Variants in ERCC1 observed in about 807,000 individuals in gnomAD.
ERCC1 encodes the protein DNA excision repair protein ERCC-1.
A neutral mutation model predicts 37.6 loss-of-function variants in ERCC1; 36 were observed. That is an observed-to-expected ratio of 0.96 (90% CI 0.73 to 1.26). ERCC1 has a LOEUF of 1.26. Ranked by LOEUF, ERCC1 falls within the 50% of genes most tolerant of loss-of-function variation. The pLI is 0.00. For synonymous variants in ERCC1, 156 were observed against 162.1 expected, an observed-to-expected ratio of 0.96 and a Z score of 0.28; for missense variants, 349 against 376.5, an observed-to-expected ratio of 0.93 and a Z score of 0.60.
In ERCC1 at chr19:45,423,327, C is replaced by T. The variant is rs1157496469; in HGVS notation, c.48G>A (p.Pro16=). ...GTATCACAAATTTCTTCCTTGCTGG[C>T]GGCCCTGAGGGCTGGGGCACCCCCT... is the stretch of plus-strand genomic sequence containing the variant. The part of the protein sequence containing the change: ...DKEGVPQPSG[P]PARKKFVIPL... Residue 16 remains proline (P), a synonymous_variant, in exon 2 of 10, where the codon CCG becomes CCA. Coordinates refer to ENST00000300853, the MANE Select transcript of ERCC1 (RefSeq NM_001983.4). 1 of 1,613,780 alleles carries T rather than the reference C, an allele frequency of 6.2e-7. No individual in the cohort carries two copies. Among genetic ancestry groups the T allele is most frequent in the African/African-American group, 1.3e-5 (1 of 75,000 alleles).
Position 45,423,658 on chromosome 19 carries a change from C to A in ERCC1, c.-8+123G>T, listed in dbSNP as rs2298881. The A allele has an allele frequency of 0.12, 151,488 of 1,274,624 alleles. 11,398 individuals carry two copies. The highest frequency in any genetic ancestry group is 0.42 in the East Asian group (12,543 of 30,032). 79.0% of individuals were successfully genotyped at this position (1,274,624 alleles called of 1,614,324 possible). ...TCCCCACCATCCCCCGCCTTCCGTT[C>A]GTCCGGCCCCCGAGGCTAGCATCTG... On this transcript the variant is annotated intron_variant, in intron 1 of 9. Coordinates refer to ENST00000300853, the MANE Select transcript of ERCC1 (RefSeq NM_001983.4).
At chr19:45,443,047 G>A (rs564075827) in intron 1 of ERCC1, among the ~76,000 whole-genome samples, 1 of 152,190 alleles carries the variant, frequency 6.6e-6, no homozygotes, top group Non-Finnish European at 1.5e-5. Context: ...GAAGTGACAG[G>A]CCATCGGGGG....
At chr19:45,428,289 T>TGG (rs139177503), upstream of ERCC1, among the ~76,000 whole-genome samples, 9,397 of 61,416 alleles carry the variant, frequency 0.15, 1,331 homozygotes, top group African/African-American at 0.41. Flanking sequence ...GGTGGGGGGG[T>TGG]GGGGTCTCAC....
rs1371326961 is a variant in ERCC1, at chr19:45,409,397, C to G, written c.*278G>C. 6.2e-7 allele frequency: 1 copy of G among 1,613,862 alleles called. No individual in the cohort carries two copies. The highest frequency in any genetic ancestry group is 1.3e-5 in the African/African-American group (1 of 74,902). ...GGAAAGCCGGATGCCAGAGACAGTG[C>G]CCCAAGAGGAGATGCCAGGGCCGCC... On this transcript the variant is annotated 3_prime_UTR_variant, in exon 10 of 10. Transcript: ENST00000300853.
Position 45,420,536 on chromosome 19 carries a change from ACCT to A in ERCC1, c.322-112_322-110del, listed in dbSNP as rs1288162877. On this transcript the variant is annotated intron_variant, in intron 3 of 9. Transcript: ENST00000300853. This position sits in a 1 kb window ranked among gnomAD's most constrained non-coding sequence, Gnocchi z 4.8. ...CCTCCCTCCTCCCACCTCTTCCCAC[ACCT>A]CCTGCCTCCTCGCACCTCTTCCCAC... The A allele has an allele frequency of 4.1e-6, 3 of 726,242 alleles. No homozygotes were observed. Among genetic ancestry groups the A allele is most frequent in the Admixed American group, 2.0e-5 (1 of 49,568 alleles). The allele number at this position is 726,242 out of a possible 1,614,324, so 45.0% of individuals were successfully genotyped here.
intron 1 of ERCC1, among the ~76,000 whole-genome samples, chr19:45,433,462 G>C (rs556055733): frequency 1.3e-5 from 2 of 151,774 alleles, no homozygotes; most frequent in Admixed American, 6.6e-5. Flanking sequence ...GGAGGTGGAG[G>C]TTGCAGTGAG....
intron 3 of ERCC1, 53 bp downstream of exon 3, chr19:45,421,125 C>A (rs1245959441): frequency 2.0e-6 from 3 of 1,488,734 alleles, no homozygotes; most frequent in East Asian, 4.5e-5. Flanking sequence ...ATCCCTAGAA[C>A]AGCGTTTCCC....
At chr19:45,439,403 G>A (rs1348673915) in intron 1 of ERCC1, among the ~76,000 whole-genome samples, 1 of 151,996 alleles carries the variant, frequency 6.6e-6, no homozygotes, top group African/African-American at 2.4e-5. Flanking sequence ...AATAATAGTA[G>A]TTAATAATAA....
intron 1 of ERCC1, among the ~76,000 whole-genome samples, chr19:45,440,246 C>T (rs1568599945): frequency 6.6e-6 from 1 of 152,000 alleles, no homozygotes; most frequent in African/African-American, 2.4e-5. Context: ...CCCTACACCC[C>T]CAGCGATGTC....
rs987029873 is a variant in ERCC1 at position 45,423,400 on chromosome 19, G to T, written c.-7-19C>A. ...CTGGAGCCTGAAAGGGAAGGTGCCA[G>T]GAGCGAGTGAGCCACTGGCGTCTAC... On this transcript the variant is annotated intron_variant, in intron 1 of 9. Coordinates refer to ENST00000300853, the MANE Select transcript of ERCC1 (RefSeq NM_001983.4). 9.4e-6 allele frequency: 15 copies of T among 1,597,704 alleles called. No homozygotes were observed. The highest frequency in any genetic ancestry group is 1.1e-5 in the Non-Finnish European group (13 of 1,172,510).
intron 1 of ERCC1, among the ~76,000 whole-genome samples, chr19:45,432,287 TTA>T (rs1568596058): frequency 1.7e-3 from 68 of 39,410 alleles, no homozygotes; most frequent in Middle Eastern, 0.021. Context: ...AATTAATTTA[TTA>T]TTATTATTAT....
chr19:45,423,614 C>A, intron 1 of ERCC1, 167 bp downstream of exon 1: 2 of 1,387,294 alleles, frequency 1.4e-6, no homozygotes, highest in East Asian at 2.7e-5. Context: ...CTCGCCCCCA[C>A]CGGATTCTAT....
chr19:45,414,112 ACAGCTGTGTCCCCAGACTGCCTGGC>A (rs1418220558), intron 7 of ERCC1, 78 bp from the exon 8 acceptor site: 1 of 1,173,734 alleles, frequency 8.5e-7, no homozygotes, highest in Non-Finnish European at 1.3e-6. Flanking sequence ...GGGCTGGGTC[ACAGCTGTGTCCCCAGACTGCCTGGC>A]GTGCAGGAAG....
At chr19:45,428,784 C>T (rs2123563907), upstream of ERCC1, among the ~76,000 whole-genome samples, 1 of 152,020 alleles carries the variant, frequency 6.6e-6, no homozygotes, top group East Asian at 1.9e-4. Context: ...GGCGTCCCCG[C>T]CCGCCTCTAA....
intron 1 of ERCC1, among the ~76,000 whole-genome samples, chr19:45,447,138 C>T (rs1001478868): frequency 5.3e-5 from 8 of 152,326 alleles, no homozygotes; most frequent in Middle Eastern, 3.4e-3. Context: ...CATCCAATCA[C>T]GGCCTAGGCC....
Position 45,408,536 on chromosome 19 carries a change from G to T in ERCC1, c.*1139C>A. 6.2e-7 allele frequency: 1 copy of T among 1,614,062 alleles called. No individual in the cohort carries two copies. The highest frequency in any genetic ancestry group is 8.5e-7 in the Non-Finnish European group (1 of 1,180,012). The stretch of plus-strand genomic sequence containing the variant: ...GACAGAGGCCCCAGTCACTCAGGAG[G>T]CAGTGAATGGGCACGGGGCCCTGGA... On this transcript the variant is annotated 3_prime_UTR_variant, in exon 10 of 10. Coordinates refer to ENST00000300853, the MANE Select transcript of ERCC1 (RefSeq NM_001983.4).
chr19:45,429,892 C>T (rs930558999), intron 1 of ERCC1, among the ~76,000 whole-genome samples: 1 of 152,174 alleles, frequency 6.6e-6, no homozygotes, highest in Non-Finnish European at 1.5e-5. Context: ...TCAAGTGATT[C>T]TCCTGCCTCA....
chr19:45,409,889 A>ATT (rs1184782156), intron 9 of ERCC1, 164 bp from the exon 10 acceptor site: 19 of 237,672 alleles, frequency 8.0e-5, no homozygotes, highest in Non-Finnish European at 1.2e-4. Flanking sequence ...TATTATTATT[A>ATT]TTATTATTTT....
In ERCC1 at chr19:45,423,779, A is replaced by G; in HGVS notation, c.-8+2T>C. 2 of 1,138,852 alleles carry G rather than the reference A, an allele frequency of 1.8e-6. No individual in the cohort carries two copies. Among genetic ancestry groups the G allele is most frequent in the Non-Finnish European group, 2.2e-6 (2 of 920,368 alleles). 70.5% of individuals were successfully genotyped at this position (1,138,852 alleles called of 1,614,324 possible). ...TCCACCCGCAGTCTCCGCCTCCCGC[A>G]CCTGTGGTCCGGGCCTCACGGTTTC... On this transcript the variant is annotated splice_donor_variant, in intron 1 of 9. Transcript: ENST00000300853. LOFTEE classifies it low-confidence loss of function (5UTR_SPLICE).
Sources: gnomAD v4.1 joint callset for allele counts (sites outside exome capture counted in the v4.1 genomes callset) on GRCh38, gnomAD v4.1.1 for gene constraint, Gnocchi (gnomAD v3.1) non-coding constraint, MANE v1.5 for transcripts, NCBI Gene and HGNC (gene_info 2026-07-23, HGNC 2026-07-21) for gene names.